Variants in STK3 observed in about 807,000 individuals in gnomAD.
STK3 encodes the protein serine/threonine-protein kinase 3.
STK3 carries 41 observed loss-of-function variants against 58.0 expected under a neutral mutation model. The observed-to-expected ratio is 0.71, with a 90% CI of 0.55 to 0.92. The LOEUF (loss-of-function observed/expected upper bound fraction) is 0.92. STK3 is among the 40% of genes least tolerant of loss of function. STK3 has a pLI of 0.00. For synonymous variants in STK3, 170 were observed against 191.0 expected (o/e 0.89, Z 0.91); for missense variants, 479 against 602.7 (o/e 0.79, Z 2.15).
chr8:98,434,219 G>A (rs1215761632), exon 3 of STK3: 2 of 152,216 alleles, frequency 1.3e-5, no homozygotes, highest in South Asian at 4.1e-4. Context: ...CACTCGTTAA[G>A]GCTGAGGAAG....
chr8:98,725,804 T>C (rs1251704390), intron 4 of STK3, among the ~76,000 whole-genome samples: 1 of 152,210 alleles, frequency 6.6e-6, no homozygotes, highest in Non-Finnish European at 1.5e-5. Context: ...CTTTACAGGT[T>C]ACAGAGTCCT....
chr8:98,683,260 T>C (rs1025359168), intron 6 of STK3, among the ~76,000 whole-genome samples: 4 of 152,056 alleles, frequency 2.6e-5, no homozygotes, highest in African/African-American at 9.7e-5. Context: ...AGGCAAGCTG[T>C]GAGGGATGAC....
intron 3 of STK3, among the ~76,000 whole-genome samples, chr8:98,867,746 A>C (rs890521804): frequency 3.3e-5 from 5 of 152,232 alleles, no homozygotes; most frequent in African/African-American, 1.2e-4. Context: ...TCCATGCCCC[A>C]GTTTTCTCAT....
chr8:98,688,885 G>A (rs908914994), intron 6 of STK3, among the ~76,000 whole-genome samples: 4 of 151,710 alleles, frequency 2.6e-5, no homozygotes, highest in Non-Finnish European at 5.9e-5. Context: ...CCCAAAGCTA[G>A]GAGAAGAAAA....
At chr8:98,418,786 T>G (rs1164319062) in intron 3 of STK3, among the ~76,000 whole-genome samples, 1 of 152,088 alleles carries the variant, frequency 6.6e-6, no homozygotes, top group Non-Finnish European at 1.5e-5. Flanking sequence ...CTAGGTGAAT[T>G]CTGCCCCATC....
chr8:98,561,914 C>T (rs1812066493), intron 8 of STK3, among the ~76,000 whole-genome samples: 1 of 151,938 alleles, frequency 6.6e-6, no homozygotes, highest in Non-Finnish European at 1.5e-5. Context: ...TAAAAAGATG[C>T]CCGACATCTT....
intron 6 of STK3, chr8:98,638,506 G>A (rs1032498278): frequency 6.6e-6 from 1 of 152,180 alleles, no homozygotes; most frequent in Non-Finnish European, 1.5e-5. Context: ...CTGAAATTGT[G>A]TACTCATATC....
At chr8:98,863,349 T>C (rs1436384415) in intron 3 of STK3, among the ~76,000 whole-genome samples, 1 of 152,210 alleles carries the variant, frequency 6.6e-6, no homozygotes, top group Non-Finnish European at 1.5e-5. Context: ...CTAGATTCCC[T>C]GGATTTCAAC....
At chr8:98,694,850 C>A (rs1354906286) in intron 6 of STK3, among the ~76,000 whole-genome samples, 1 of 152,154 alleles carries the variant, frequency 6.6e-6, no homozygotes, top group Non-Finnish European at 1.5e-5. Flanking sequence ...ATTTATAGTC[C>A]TTTGGGTATA....
chr8:98,451,411 C>T (rs1176155281), downstream of STK3, among the ~76,000 whole-genome samples: 3 of 152,112 alleles, frequency 2.0e-5, no homozygotes, highest in Non-Finnish European at 2.9e-5. Context: ...AGGTCATAAA[C>T]GTCACTTGAG....
At chr8:98,812,553 T>C (rs969537242) in intron 1 of STK3, among the ~76,000 whole-genome samples, 1 of 152,138 alleles carries the variant, frequency 6.6e-6, no homozygotes, top group East Asian at 1.9e-4. Flanking sequence ...TACCCAAAGG[T>C]TTATAAATCA....
At chr8:98,850,023 C>G (rs1192140820) in intron 3 of STK3, among the ~76,000 whole-genome samples, 1 of 152,116 alleles carries the variant, frequency 6.6e-6, no homozygotes, top group Non-Finnish European at 1.5e-5. Flanking sequence ...CTCTTTATCA[C>G]TTTTATGGGT....
the STK3 span, among the ~76,000 whole-genome samples, chr8:98,349,728 C>T: frequency 6.6e-6 from 1 of 152,208 alleles, no homozygotes; most frequent in African/African-American, 2.4e-5. Context: ...CTCAACACCA[C>T]AAGGCTTGGG....
At chr8:98,909,880 G>A (rs1364421666) in intron 1 of STK3, among the ~76,000 whole-genome samples, 1 of 151,936 alleles carries the variant, frequency 6.6e-6, no homozygotes, top group Non-Finnish European at 1.5e-5. Context: ...ACCTGGAGTA[G>A]AATATGGTAA....
At chr8:98,850,460 G>T (rs576053591) in intron 3 of STK3, among the ~76,000 whole-genome samples, 1 of 152,164 alleles carries the variant, frequency 6.6e-6, no homozygotes, top group Admixed American at 6.6e-5. Flanking sequence ...ACAATAAGAT[G>T]ATATGATTAA....
intron 1 of STK3, among the ~76,000 whole-genome samples, chr8:98,789,520 A>T (rs1359712981): frequency 6.6e-6 from 1 of 152,202 alleles, no homozygotes; most frequent in African/African-American, 2.4e-5. Flanking sequence ...AAGATTACCA[A>T]GAAAAGAAGA....
At chr8:98,385,256 G>C (rs1433117365) in intron 1 of STK3, among the ~76,000 whole-genome samples, 1 of 152,082 alleles carries the variant, frequency 6.6e-6, no homozygotes, top group African/African-American at 2.4e-5. Flanking sequence ...TTTGAGTGGG[G>C]GTCGGGGGGA....
At position 98,777,368 on chromosome 8, in the gene STK3, A is replaced by G. The variant is rs184987472; in HGVS notation, c.27-2549T>C. Among the ~76,000 whole-genome samples the G allele has an allele frequency of 1.5e-3, 228 of 152,218 alleles. 1 individual carries two copies. Among genetic ancestry groups the G allele is most frequent in the South Asian group, 2.7e-3 (13 of 4,822 alleles). On this transcript the variant is annotated intron_variant, in intron 1 of 10. Transcript: ENST00000419617. ...CGGCGGAACCCTGTCTCTATTAAAA[A>G]ATACAAAACGTTTGGTGGGCATGAT...
downstream of STK3, among the ~76,000 whole-genome samples, chr8:98,367,656 A>G (rs964437101): frequency 3.3e-5 from 5 of 152,224 alleles, no homozygotes; most frequent in African/African-American, 9.6e-5. Context: ...GACTAAGGCT[A>G]TAGCCAGAGT....
Sources: gnomAD v4.1 joint callset for allele counts (sites outside exome capture counted in the v4.1 genomes callset) on GRCh38, gnomAD v4.1.1 for gene constraint, MANE v1.5 for transcripts, NCBI Gene and HGNC (gene_info 2026-07-23, HGNC 2026-07-21) for gene names.